The following WDFY3 variants were observed in gnomAD, a reference collection of about 807,000 sequenced individuals.
The protein encoded by WDFY3 is WD repeat and FYVE domain-containing protein 3.
In WDFY3, 66 loss-of-function variants were observed where a neutral mutation model predicts 409.6. The observed-to-expected ratio is 0.16, with a 90% confidence interval of 0.13 to 0.20. WDFY3 has a LOEUF of 0.20. Among genes scored for constraint, WDFY3 ranks in the 10% least tolerant of loss-of-function variants. The probability of loss-of-function intolerance (pLI) is 1.00; values close to 1 mark genes in which losing one functional copy is unlikely to be tolerated. For missense variants in WDFY3, 3,031 were observed against 4,298.1 expected (o/e 0.71, Z 8.24); for synonymous variants, 1,521 against 1,537.1 (o/e 0.99, Z 0.25).
intron 3 of WDFY3, among the ~76,000 whole-genome samples, chr4:84,887,096 G>A (rs571734593): frequency 4.3e-4 from 66 of 152,208 alleles, no homozygotes; most frequent in Non-Finnish European, 9.0e-4. Flanking sequence ...CCATGTGCCA[G>A]GAAATGACAA....
chr4:84,834,384 C>A (rs891071469), intron 7 of WDFY3, among the ~76,000 whole-genome samples: 1 of 151,888 alleles, frequency 6.6e-6, no homozygotes, highest in Non-Finnish European at 1.5e-5. Context: ...TGGTGGCTCA[C>A]GCCTGTAATC....
intron 11 of WDFY3, among the ~76,000 whole-genome samples, chr4:84,820,700 C>T (rs1753931818): frequency 6.6e-6 from 1 of 152,034 alleles, no homozygotes; most frequent in South Asian, 2.1e-4. Context: ...AATAAAAACA[C>T]ATTGAAGTAA....
intron 47 of WDFY3, among the ~76,000 whole-genome samples, chr4:84,719,515 C>G (rs557843787): frequency 6.6e-6 from 1 of 152,138 alleles, no homozygotes. Context: ...AAACTGTACT[C>G]ATGAGATTAA....
chr4:84,934,492 G>A (rs1347304821), intron 1 of WDFY3, among the ~76,000 whole-genome samples: 1 of 152,136 alleles, frequency 6.6e-6, no homozygotes, highest in Non-Finnish European at 1.5e-5. Flanking sequence ...TCACTTGCCA[G>A]ATGGCAGATA....
intron 3 of WDFY3, among the ~76,000 whole-genome samples, chr4:84,868,074 CAGG>C (rs1281540348): frequency 7.2e-6 from 1 of 138,278 alleles, no homozygotes; most frequent in East Asian, 2.4e-4. Context: ...GAGGCTGAGG[CAGG>C]AGAATGGCTT....
chr4:84,702,522 GAC>G lies in WDFY3; in HGVS notation c.8443-18_8443-17del. 6.3e-7 allele frequency: 1 copy of G among 1,581,308 alleles called. No homozygotes were observed. Among genetic ancestry groups the G allele is most frequent in the Non-Finnish European group, 8.6e-7 (1 of 1,167,174 alleles). On this transcript the variant is annotated splice_polypyrimidine_tract_variant and intron_variant, in intron 55 of 67. Coordinates refer to ENST00000295888, the MANE Select transcript of WDFY3 (RefSeq NM_014991.6). ...AGTGGCCACCCTGTGGGCAGAATAA[GAC>G]ACCTCTCTATTAGAGAACCGTTCCC...
chr4:84,949,510 T>G (rs1038395614), intron 1 of WDFY3, among the ~76,000 whole-genome samples: 1 of 152,206 alleles, frequency 6.6e-6, no homozygotes, highest in Non-Finnish European at 1.5e-5. Flanking sequence ...AATTTCTTAA[T>G]GCAAAACTTA....
At chr4:84,774,220 T>C (rs1745172811) in intron 29 of WDFY3, among the ~76,000 whole-genome samples, 3 of 152,296 alleles carry the variant, frequency 2.0e-5, no homozygotes, top group Middle Eastern at 3.4e-3. Context: ...TATTCAATTG[T>C]GTAGTTTGTT....
chr4:84,836,420 T>C (rs1756579625), intron 7 of WDFY3, among the ~76,000 whole-genome samples: 1 of 152,106 alleles, frequency 6.6e-6, no homozygotes, highest in South Asian at 2.1e-4. Context: ...CTATCACACA[T>C]TTGTTAACCC....
At chr4:84,800,943 C>T (rs1315383573) in intron 17 of WDFY3, among the ~76,000 whole-genome samples, 2 of 152,038 alleles carry the variant, frequency 1.3e-5, no homozygotes, top group African/African-American at 2.4e-5. Context: ...GGACATGGAC[C>T]AGTACTGGTC....
intron 33 of WDFY3, among the ~76,000 whole-genome samples, chr4:84,756,415 T>A (rs1741467436): frequency 6.6e-6 from 1 of 151,834 alleles, no homozygotes; most frequent in Non-Finnish European, 1.5e-5. Context: ...TGAGACCCTG[T>A]CTCTACTAAA....
intron 56 of WDFY3, among the ~76,000 whole-genome samples, chr4:84,700,244 A>G (rs1406399078): frequency 6.6e-6 from 1 of 152,146 alleles, no homozygotes; most frequent in Non-Finnish European, 1.5e-5. Flanking sequence ...TCACTTTATC[A>G]CCCAGGTTGG....
At chr4:84,864,243 C>G (rs1310234731) in intron 3 of WDFY3, among the ~76,000 whole-genome samples, 1 of 151,564 alleles carries the variant, frequency 6.6e-6, no homozygotes, top group Non-Finnish European at 1.5e-5. Context: ...TGGCACACAC[C>G]AGTAGTCCCA....
Position 84,840,625 on chromosome 4 carries a change from G to A in WDFY3, c.414+529C>T, listed in dbSNP as rs181417995. ...AGAGACAGGGTCTCACTCTGTCACC[G>A]AGGCTGGAGTGGTGTCATTATGGCT... On this transcript the variant is annotated intron_variant, in intron 6 of 67. Coordinates refer to ENST00000295888, the MANE Select transcript of WDFY3 (RefSeq NM_014991.6). Among the ~76,000 whole-genome samples, 346 of 152,018 alleles carry A rather than the reference G, an allele frequency of 2.3e-3. 2 individuals are homozygous for A. The highest frequency in any genetic ancestry group is 7.9e-3 in the African/African-American group (326 of 41,470).
Position 84,782,370 on chromosome 4 carries a change from A to ATT in WDFY3, c.4174+591_4174+592dup, listed in dbSNP as rs35721725. Among the ~76,000 whole-genome samples the ATT allele has an allele frequency of 4.3e-4, 64 of 149,900 alleles. No homozygotes were observed. The East Asian group carries it at 4.5e-3, about 11-fold the overall frequency. Reference sequence around the variant, plus strand: ...TTACTGACAAGAGGGAAACAGTGCAATTTTTTTTTTTTATTTTACTTTAAG... The same window carrying ATT: ...TTACTGACAAGAGGGAAACAGTGCAATTTTTTTTTTTTTTATTTTACTTTAAG... On this transcript the variant is annotated intron_variant, in intron 25 of 67. Coordinates refer to ENST00000295888, the MANE Select transcript of WDFY3 (RefSeq NM_014991.6).
chr4:84,742,487 T>C (rs1423167489), intron 37 of WDFY3, among the ~76,000 whole-genome samples: 1 of 152,112 alleles, frequency 6.6e-6, no homozygotes, highest in Non-Finnish European at 1.5e-5. Flanking sequence ...CATATACATA[T>C]TGCTTTCAGA....
chr4:84,755,904 G>A (rs569844889), intron 33 of WDFY3, among the ~76,000 whole-genome samples: 17 of 152,070 alleles, frequency 1.1e-4, no homozygotes, highest in African/African-American at 3.9e-4. Flanking sequence ...TTGAAAAATT[G>A]CATAACCAAT....
At chr4:84,937,319 T>C (rs989804265) in intron 1 of WDFY3, among the ~76,000 whole-genome samples, 7 of 152,058 alleles carry the variant, frequency 4.6e-5, no homozygotes, top group African/African-American at 1.7e-4. Context: ...ACTCTATTGG[T>C]TTCATCCTAT....
chr4:84,946,812 TG>T (rs1474500255), intron 1 of WDFY3, among the ~76,000 whole-genome samples: 44 of 151,806 alleles, frequency 2.9e-4, no homozygotes, highest in Admixed American at 4.6e-4. Flanking sequence ...TTTCATTTTT[TG>T]TTTTTTTTTT....
Sources: gnomAD v4.1 joint callset for allele counts (sites outside exome capture counted in the v4.1 genomes callset) on GRCh38, gnomAD v4.1.1 for gene constraint, MANE v1.5 for transcripts, NCBI Gene and HGNC (gene_info 2026-07-23, HGNC 2026-07-21) for gene names.